ATP11A: variants seen among roughly 807,000 people sequenced by gnomAD.
ATP11A encodes the protein ATPase phospholipid transporting 11A.
A neutral mutation model predicts 154.4 loss-of-function variants in ATP11A; 81 were observed. That is an observed-to-expected ratio of 0.52 (90% CI 0.44 to 0.63). The LOEUF (loss-of-function observed/expected upper bound fraction) is 0.63. Among genes scored for constraint, ATP11A ranks in the 30% least tolerant of loss-of-function variants. ATP11A has a pLI of 0.00. For synonymous variants in ATP11A, 623 were observed against 585.9 expected (o/e 1.06, Z -0.91); for missense variants, 1,316 against 1,474.3 (o/e 0.89, Z 1.76).
intron 2 of ATP11A, among the ~76,000 whole-genome samples, 165 bp from the exon 3 acceptor site, chr13:112,804,792 C>G (rs1365345755): frequency 6.6e-6 from 1 of 152,098 alleles, no homozygotes; most frequent in Non-Finnish European, 1.5e-5. Flanking sequence ...TTTGTTTAAG[C>G]TGTCTTAGCT....
At chr13:112,848,269 C>T (rs7337058) in intron 17 of ATP11A, among the ~76,000 whole-genome samples, 3 of 151,942 alleles carry the variant, frequency 2.0e-5, no homozygotes, top group African/African-American at 7.3e-5. Flanking sequence ...TATTTTTCAG[C>T]CTTGAGTCTT....
intron 24 of ATP11A, among the ~76,000 whole-genome samples, chr13:112,861,937 T>C (rs1013296108): frequency 1.3e-5 from 2 of 152,046 alleles, no homozygotes; most frequent in East Asian, 1.9e-4. Flanking sequence ...TCTAGACATG[T>C]GTCTGAAAGG....
intron 13 of ATP11A, 53 bp from the exon 14 acceptor site, chr13:112,832,807 A>G (rs1052422081): frequency 5.3e-5 from 84 of 1,579,882 alleles, no homozygotes; most frequent in African/African-American, 1.1e-4. Context: ...GTTTCCCTCT[A>G]TCTTCAGTGG....
intron 1 of ATP11A, among the ~76,000 whole-genome samples, chr13:112,722,439 A>T (rs1214671184): frequency 6.6e-6 from 1 of 152,162 alleles, no homozygotes; most frequent in Non-Finnish European, 1.5e-5. Flanking sequence ...TTGTGGAGAC[A>T]GGGCTTTATC....
intron 1 of ATP11A, among the ~76,000 whole-genome samples, chr13:112,779,704 A>G (rs1246847760): frequency 6.6e-6 from 1 of 151,926 alleles, no homozygotes; most frequent in Non-Finnish European, 1.5e-5. Context: ...ACCTGAGGTC[A>G]GGAGTTCGAG....
chr13:112,721,599 C>G (rs1465117227), intron 1 of ATP11A, among the ~76,000 whole-genome samples: 2 of 152,066 alleles, frequency 1.3e-5, no homozygotes, highest in Non-Finnish European at 2.9e-5. Context: ...AACGTGGAAG[C>G]CAGGAGTGAG....
intron 1 of ATP11A, among the ~76,000 whole-genome samples, chr13:112,775,249 G>A (rs561423295): frequency 2.0e-5 from 3 of 152,366 alleles, no homozygotes; most frequent in African/African-American, 7.2e-5. Flanking sequence ...AGAACACGGC[G>A]TGAAGCTCTG....
rs1252574502 is a variant in ATP11A, at chr13:112,887,076, C to T, written c.*5210C>T. On this transcript the variant is annotated 3_prime_UTR_variant, in exon 30 of 30. Transcript: ENST00000375645. ...ACTGACTGGATAATATTATATTGGA[C>T]TTTTCTCTAGATTATCTAAGCAGGA... 1 of 152,228 alleles carries T rather than the reference C, an allele frequency of 6.6e-6. No individual in the cohort carries two copies. Among genetic ancestry groups the T allele is most frequent in the Non-Finnish European group, 1.5e-5 (1 of 68,040 alleles). 9.4% of individuals were successfully genotyped at this position (152,228 alleles called of 1,614,324 possible).
chr13:112,780,921 C>A (rs562558185), intron 1 of ATP11A, among the ~76,000 whole-genome samples: 17 of 152,226 alleles, frequency 1.1e-4, no homozygotes, highest in South Asian at 6.2e-4. Context: ...TGTCTGGGAA[C>A]GCGGAGAGAG....
At chr13:112,762,977 T>A (rs996330224) in intron 1 of ATP11A, among the ~76,000 whole-genome samples, 1 of 152,206 alleles carries the variant, frequency 6.6e-6, no homozygotes, top group Non-Finnish European at 1.5e-5. Flanking sequence ...AAACCATTCT[T>A]CAGTTTGCCC....
chr13:112,801,169 G>C (rs4601938), intron 2 of ATP11A, among the ~76,000 whole-genome samples: 13 of 30,814 alleles, frequency 4.2e-4, no homozygotes, highest in African/African-American at 1.7e-3. Flanking sequence ...GGAATAAAAG[G>C]CCTACAGCTG....
At chr13:112,834,493 TGAAAAGAAC>T in intron 14 of ATP11A, 87 bp from the exon 15 acceptor site, 1 of 787,148 alleles carries the variant, frequency 1.3e-6, no homozygotes, top group South Asian at 1.5e-5. Flanking sequence ...ATTTCTTTTT[TGAAAAGAAC>T]GCTTTACCAA....
chr13:112,705,318 G>A (rs1887010371), intron 1 of ATP11A, among the ~76,000 whole-genome samples: 1 of 152,224 alleles, frequency 6.6e-6, no homozygotes, highest in South Asian at 2.1e-4. Flanking sequence ...CGAATGACAC[G>A]TAGAGAGGGA....
intron 1 of ATP11A, among the ~76,000 whole-genome samples, chr13:112,722,301 G>A (rs1889293695): frequency 7.4e-6 from 1 of 135,258 alleles, no homozygotes; most frequent in Admixed American, 7.5e-5. Flanking sequence ...GAGGAGGGTG[G>A]GCCCGGGGAG....
rs1347102099 is a variant in ATP11A at position 112,886,531 on chromosome 13, G to T, written c.*4665G>T. 6.6e-6 allele frequency: 1 copy of T among 152,060 alleles called. No individual in the cohort carries two copies. Among genetic ancestry groups the T allele is most frequent in the Non-Finnish European group, 1.5e-5 (1 of 67,954 alleles). The allele number at this position is 152,060 out of a possible 1,614,324, so 9.4% of individuals were successfully genotyped here. A position where few individuals can be genotyped will look rare whatever the true frequency, so the allele number is the denominator to read the frequency against. ...ACAGGAAAAATATCAGTTGGCAAATGCAATCTTTTTTTTTTTTAAGCTAAA... is the reference window on the plus strand; with the variant it reads ...ACAGGAAAAATATCAGTTGGCAAATTCAATCTTTTTTTTTTTTAAGCTAAA... On this transcript the variant is annotated 3_prime_UTR_variant, in exon 30 of 30. Transcript: ENST00000375645.
rs535824801 is a variant in ATP11A, at chr13:112,816,277, C to T, written c.570+66C>T. 317 of 1,594,566 alleles carry T rather than the reference C, an allele frequency of 2.0e-4. No individual in the cohort carries two copies. The African/African-American group carries it at 3.1e-3, about 15-fold the overall frequency. On this transcript the variant is annotated intron_variant, in intron 6 of 29. Transcript: ENST00000375645. Reference sequence around the variant, plus strand: ...TGTCCTGCTTCGGACTGTGCCCATGCGGCCACAGAAACTAACATCCTGTTT... The same window carrying T: ...TGTCCTGCTTCGGACTGTGCCCATGTGGCCACAGAAACTAACATCCTGTTT...
rs1268712250 is a variant in ATP11A, at chr13:112,886,535, T to C, written c.*4669T>C. Reference sequence around the variant, plus strand: ...GAAAAATATCAGTTGGCAAATGCAATCTTTTTTTTTTTTAAGCTAAAGGTG... The same window carrying C: ...GAAAAATATCAGTTGGCAAATGCAACCTTTTTTTTTTTTAAGCTAAAGGTG... On this transcript the variant is annotated 3_prime_UTR_variant, in exon 30 of 30. Coordinates refer to ENST00000375645, the MANE Select transcript of ATP11A (RefSeq NM_015205.3). The C allele has an allele frequency of 1.3e-5, 2 of 152,306 alleles. No homozygotes were observed. The highest frequency in any genetic ancestry group is 2.9e-5 in the Non-Finnish European group (2 of 68,018). The allele number at this position is 152,306 out of a possible 1,614,324, so 9.4% of individuals were successfully genotyped here.
chr13:112,819,787 A>C, intron 7 of ATP11A, 113 bp from the exon 8 acceptor site: 1 of 1,112,958 alleles, frequency 9.0e-7, no homozygotes, highest in Non-Finnish European at 1.3e-6. Flanking sequence ...TTAGCCGCAC[A>C]CGGAGCGGGC....
intron 17 of ATP11A, among the ~76,000 whole-genome samples, chr13:112,846,392 G>A (rs116719113): frequency 0.015 from 2,340 of 152,076 alleles, 46 homozygotes; most frequent in African/African-American, 0.05. Flanking sequence ...CCCGTGCAGC[G>A]TCTAACCTGT....
Sources: allele counts gnomAD v4.1 joint callset (sites outside exome capture counted in the v4.1 genomes callset), GRCh38; gene constraint gnomAD v4.1.1; transcripts MANE v1.5; gene names NCBI Gene and HGNC (gene_info 2026-07-23, HGNC 2026-07-21).